Variants in DNAH10 observed in about 807,000 individuals in gnomAD.
DNAH10 encodes axonemal beta dynein heavy chain 10.
In DNAH10, 348 loss-of-function variants were observed where a neutral mutation model predicts 506.6. The ratio of observed to expected loss-of-function variants is 0.69; its 90% CI spans 0.63 to 0.75. DNAH10 has a LOEUF of 0.75. DNAH10 is among the 30% of genes least tolerant of loss of function. DNAH10 has a pLI of 0.00. For synonymous variants in DNAH10, 2,059 were observed against 2,198.6 expected, an observed-to-expected ratio of 0.94 and a Z score of 1.78; for missense variants, 5,179 against 5,787.1, an observed-to-expected ratio of 0.89 and a Z score of 3.41.
intron 66 of DNAH10, 121 bp from the exon 67 acceptor site, chr12:123,924,157 C>A: frequency 7.4e-7 from 1 of 1,349,862 alleles, no homozygotes; most frequent in Non-Finnish European, 9.8e-7. Flanking sequence ...TGGGCCACTT[C>A]CTGTTTCCAG....
intron 62 of DNAH10, 149 bp downstream of exon 62, chr12:123,915,148 G>A (rs532465322): frequency 1.1e-5 from 13 of 1,161,984 alleles, no homozygotes; most frequent in South Asian, 6.7e-5. Flanking sequence ...GCCCTCCCCC[G>A]GCTCCGCCTC....
At chr12:123,826,478 A>G (rs1050499324) in intron 24 of DNAH10, among the ~76,000 whole-genome samples, 3 of 152,194 alleles carry the variant, frequency 2.0e-5, no homozygotes, top group African/African-American at 7.2e-5. Flanking sequence ...ATACAGCATT[A>G]TTTTTGCAAA....
At position 123,875,441 on chromosome 12, in the gene DNAH10, G is replaced by C; in HGVS notation, c.8149G>C (p.Glu2717Gln). The part of the protein sequence containing the change: ...FSVFNVPFPS[E>Q]ESLHLIYSSI... ...TGTCTTCAATGTGCCATTTCCTTCA[G>C]AGGAGTCTCTGCATTTAATTTATTC... Residue 2717 changes from glutamate to glutamine, a missense_variant, in exon 47 of 79, where the codon GAG becomes CAG. By Grantham distance (29) the Glu-to-Gln change is conservative. Around this residue, in one of 3 missense-constraint regions of DNAH10, gnomAD observed 4,844 missense variants for 5,430.5 expected, o/e 0.89. Coordinates refer to ENST00000673944, the MANE Select transcript of DNAH10 (RefSeq NM_001372106.1). 1 of 1,614,032 alleles carries C rather than the reference G, an allele frequency of 6.2e-7. No homozygotes were observed. Among genetic ancestry groups the C allele is most frequent in the Non-Finnish European group, 8.5e-7 (1 of 1,179,900 alleles).
chr12:123,875,185 A>G (rs1171868914), intron 46 of DNAH10, 46 bp from the exon 47 acceptor site: 7 of 1,558,520 alleles, frequency 4.5e-6, no homozygotes, highest in African/African-American at 1.4e-5. Flanking sequence ...TCTGACTCCT[A>G]CTTTGCGATA....
intron 44 of DNAH10, 24 bp downstream of exon 44, chr12:123,870,509 TC>T: frequency 4.3e-6 from 7 of 1,609,318 alleles, no homozygotes; most frequent in Non-Finnish European, 5.9e-6. Context: ...AAATCCTTGT[TC>T]CTGGGTTTAG....
chr12:123,898,927 C>T (rs561123382), intron 56 of DNAH10, 113 bp downstream of exon 56: 18 of 1,410,054 alleles, frequency 1.3e-5, no homozygotes, highest in South Asian at 1.1e-4. Context: ...TCTGCCAGGC[C>T]GTCCCTGTGA....
chr12:123,763,333 A>G (rs973631087), intron 1 of DNAH10, among the ~76,000 whole-genome samples: 30 of 152,066 alleles, frequency 2.0e-4, no homozygotes, highest in Non-Finnish European at 7.4e-5. Flanking sequence ...AAACAGCTAG[A>G]AGGAGACTGG....
chr12:123,768,977 A>T (rs1360078477), intron 2 of DNAH10, among the ~76,000 whole-genome samples: 2 of 152,036 alleles, frequency 1.3e-5, no homozygotes, highest in Non-Finnish European at 2.9e-5. Flanking sequence ...GGGCTCAGGC[A>T]GTTCTCCCAC....
chr12:123,809,363 A>G (rs1958837928), intron 19 of DNAH10, among the ~76,000 whole-genome samples: 1 of 151,976 alleles, frequency 6.6e-6, no homozygotes, highest in Non-Finnish European at 1.5e-5. Flanking sequence ...AATACAAATC[A>G]GGCCAGGTGC....
chr12:123,848,324 T>C (rs1565987701), intron 33 of DNAH10, among the ~76,000 whole-genome samples: 1 of 152,204 alleles, frequency 6.6e-6, no homozygotes, highest in South Asian at 2.1e-4. Context: ...GTCAGGTTGA[T>C]AATGTACGTG....
chr12:123,909,590 G>GTGATGGTGATGATGATGA lies in DNAH10; in HGVS notation c.9997+149_9997+150insGATGGTGATGATGATGAT. The stretch of plus-strand genomic sequence containing the variant: ...TATCGGATGGAACAGGCAACTGATG[G>GTGATGGTGATGATGATGA]TCACCAGAGGAAAACAGCAGCCCCA... On this transcript the variant is annotated intron_variant, in intron 58 of 78. Coordinates refer to ENST00000673944, the MANE Select transcript of DNAH10 (RefSeq NM_001372106.1). The surrounding 1 kb of genome is among the most constrained non-coding windows in gnomAD (Gnocchi z 5.4). 1 of 1,086,782 alleles carries GTGATGGTGATGATGATGA rather than the reference G, an allele frequency of 9.2e-7. No individual in the cohort carries two copies. The allele number at this position is 1,086,782 out of a possible 1,614,324, so 67.3% of individuals were successfully genotyped here.
rs766788885 is a variant in DNAH10, at chr12:123,847,957, A to G, written c.5815-4A>G. ...ACATATGTTTTGCATTTGGCTTATA[A>G]CAGGCGCTGTCCATGTATCTAGGTG... On this transcript the variant is annotated splice_region_variant and splice_polypyrimidine_tract_variant and intron_variant, in intron 32 of 78. Transcript: ENST00000673944. 2 of 1,604,980 alleles carry G rather than the reference A, an allele frequency of 1.2e-6. No homozygotes were observed. Among genetic ancestry groups the G allele is most frequent in the Admixed American group, 1.7e-5 (1 of 57,162 alleles).
intron 19 of DNAH10, 138 bp downstream of exon 19, chr12:123,809,091 CCA>C (rs1388186330): frequency 4.9e-6 from 5 of 1,013,270 alleles, no homozygotes; most frequent in Non-Finnish European, 7.3e-6. Context: ...CAGTCATCCC[CCA>C]GTTTTCCCCA....
At position 123,785,652 on chromosome 12, in the gene DNAH10, A is replaced by C; in HGVS notation, c.1231-94A>C. ...GGTCTCAAGGAAAAAAAAAAAAAAA[A>C]AAGAGTGAAACTTCTTGCATGCTTA... is the stretch of plus-strand genomic sequence containing the variant. On this transcript the variant is annotated intron_variant, in intron 8 of 78. Transcript: ENST00000673944. This position sits in a 1 kb window ranked among gnomAD's most constrained non-coding sequence, Gnocchi z 4.1. 8.3e-7 allele frequency: 1 copy of C among 1,198,152 alleles called. No individual in the cohort carries two copies. The highest frequency in any genetic ancestry group is 2.5e-5 in the East Asian group (1 of 39,332). 74.2% of individuals were successfully genotyped at this position (1,198,152 alleles called of 1,614,324 possible). A position where few individuals can be genotyped will look rare whatever the true frequency, so the allele number is the denominator to read the frequency against.
chr12:123,841,173 G>T, intron 29 of DNAH10, 149 bp from the exon 30 acceptor site: 2 of 756,504 alleles, frequency 2.6e-6, no homozygotes, highest in Non-Finnish European at 2.3e-6. Context: ...CACACAGGTG[G>T]GTGAACGACA....
chr12:123,830,200 G>C (rs1282349357), intron 25 of DNAH10, among the ~76,000 whole-genome samples: 1 of 152,148 alleles, frequency 6.6e-6, no homozygotes, highest in Non-Finnish European at 1.5e-5. Context: ...TTTACATGAG[G>C]CTCTCAAAAA....
intron 24 of DNAH10, 85 bp from the exon 25 acceptor site, chr12:123,826,602 C>A (rs1960016679): frequency 3.3e-6 from 4 of 1,223,074 alleles, no homozygotes; most frequent in Middle Eastern, 2.9e-4. Flanking sequence ...AATATCTGAA[C>A]GTGACTAAGA....
rs964974450 is a variant in DNAH10, at chr12:123,902,625, C to T, written c.9641-314C>T. Among the ~76,000 whole-genome samples, 3 of 152,168 alleles carry T rather than the reference C, an allele frequency of 2.0e-5. No homozygotes were observed. Among genetic ancestry groups the T allele is most frequent in the African/African-American group, 7.2e-5 (3 of 41,432 alleles). ...TAAGCAGGAGGGGGACCCCAGCATCCTCACTGAACACCGGCGAGGCAGGGC... is the reference window on the plus strand; with the variant it reads ...TAAGCAGGAGGGGGACCCCAGCATCTTCACTGAACACCGGCGAGGCAGGGC... On this transcript the variant is annotated intron_variant, in intron 56 of 78. Transcript: ENST00000673944. This position sits in a 1 kb window ranked among gnomAD's most constrained non-coding sequence, Gnocchi z 4.5.
At position 123,782,411 on chromosome 12, in the gene DNAH10, CTT is replaced by C. The variant is rs935250437; in HGVS notation, c.842-679_842-678del. ...TTTTCTTTCCTTTCTTTCTTTCTTT[CTT>C]TTTTTTTTTTTTTTTTGACAAGGTC... On this transcript the variant is annotated intron_variant, in intron 6 of 78. Transcript: ENST00000673944. Among the ~76,000 whole-genome samples, 484 of 86,014 alleles carry C rather than the reference CTT, an allele frequency of 5.6e-3. 2 individuals are homozygous for C. The highest frequency in any genetic ancestry group is 0.024 in the African/African-American group (462 of 19,076). The allele number at this position is 86,014 out of a possible 152,430, so 56.4% of individuals were successfully genotyped here. A position where few individuals can be genotyped will look rare whatever the true frequency, so the allele number is the denominator to read the frequency against.
Sources: allele counts gnomAD v4.1 joint callset (sites outside exome capture counted in the v4.1 genomes callset), GRCh38; gene constraint gnomAD v4.1.1; regional missense constraint gnomAD v4.1.1; non-coding constraint Gnocchi (gnomAD v3.1); transcripts MANE v1.5; gene names NCBI Gene and HGNC (gene_info 2026-07-23, HGNC 2026-07-21).